ITGAE: variants seen among roughly 807,000 people sequenced by gnomAD.
ITGAE encodes integrin alpha-E.
ITGAE carries 99 observed loss-of-function variants against 136.5 expected under a neutral mutation model. That is an observed-to-expected ratio of 0.73 (90% confidence interval 0.62 to 0.86). The LOEUF (loss-of-function observed/expected upper bound fraction) is 0.86, where lower values mean the gene tolerates loss of function less well. Ranked by LOEUF, ITGAE falls within the 40% of genes least tolerant of loss-of-function variation. The pLI, the probability that ITGAE is intolerant of heterozygous loss-of-function variation, is 0.00. For synonymous variants in ITGAE, 613 were observed against 591.8 expected, an observed-to-expected ratio of 1.04 and a Z score of -0.52; for missense variants, 1,447 against 1,515.3, an observed-to-expected ratio of 0.95 and a Z score of 0.75.
chr17:3,746,125 G>A (rs569610395), intron 17 of ITGAE, among the ~76,000 whole-genome samples, 198 bp from the exon 18 acceptor site: 1 of 152,318 alleles, frequency 6.6e-6, no homozygotes, highest in Middle Eastern at 3.4e-3. Context: ...CAGGGTCTCT[G>A]AGTGCTCCCG....
In ITGAE at chr17:3,720,298, AG is replaced by A; in HGVS notation, c.3333+8del. ...CTTGGGCACTACTCAGAAGCCAGCCAGGAATTACCTTAGTTCTGTGGTTCTC... is the reference window on the plus strand; with the variant it reads ...CTTGGGCACTACTCAGAAGCCAGCCAGAATTACCTTAGTTCTGTGGTTCTC... On this transcript the variant is annotated splice_region_variant and intron_variant, in intron 29 of 30. Transcript: ENST00000263087. The A allele has an allele frequency of 7.0e-7, 1 of 1,435,652 alleles. No homozygotes were observed. Among genetic ancestry groups the A allele is most frequent in the Non-Finnish European group, 9.8e-7 (1 of 1,018,216 alleles). The allele number at this position is 1,435,652 out of a possible 1,614,324, so 88.9% of individuals were successfully genotyped here. A position where few individuals can be genotyped will look rare whatever the true frequency, so the allele number is the denominator to read the frequency against.
chr17:3,762,400 C>T (rs974206733), intron 3 of ITGAE, among the ~76,000 whole-genome samples: 3 of 151,960 alleles, frequency 2.0e-5, no homozygotes, highest in Non-Finnish European at 2.9e-5. Flanking sequence ...CCAAGGAACC[C>T]CCCAGCCTCA....
intron 2 of ITGAE, among the ~76,000 whole-genome samples, chr17:3,764,416 G>C (rs1004867637): frequency 6.6e-6 from 1 of 152,238 alleles, no homozygotes; most frequent in African/African-American, 2.4e-5. Context: ...AGGTTTGGAG[G>C]CCGGGCGCGG....
rs1003841559 is a variant in ITGAE, at chr17:3,798,760, G to A, written c.34+2351C>T. ...ACGCAAGGGTGGAAACTCAACCTCT[G>A]AGACCCAGGATGGAGAAGTGAGTTG... is the stretch of plus-strand genomic sequence containing the variant. On this transcript the variant is annotated intron_variant, in intron 1 of 30. Transcript: ENST00000263087. The surrounding 1 kb of genome is among the most constrained non-coding windows in gnomAD (Gnocchi z 4.3). Among the ~76,000 whole-genome samples, 2 of 152,154 alleles carry A rather than the reference G, an allele frequency of 1.3e-5. No homozygotes were observed. The highest frequency in any genetic ancestry group is 2.9e-5 in the Non-Finnish European group (2 of 68,038).
intron 10 of ITGAE, among the ~76,000 whole-genome samples, chr17:3,756,501 G>A (rs534832521): frequency 2.7e-5 from 4 of 149,724 alleles, no homozygotes; most frequent in South Asian, 2.1e-4. Flanking sequence ...TCCTGGGTTC[G>A]AGTGATTCTT....
intron 1 of ITGAE, among the ~76,000 whole-genome samples, chr17:3,790,749 G>A (rs965391740): frequency 6.6e-6 from 1 of 152,062 alleles, no homozygotes; most frequent in Admixed American, 6.6e-5. Context: ...TAAATCAAAG[G>A]CATGAAAGCA....
At chr17:3,794,335 GA>G (rs2053012324) in intron 1 of ITGAE, among the ~76,000 whole-genome samples, 1 of 151,650 alleles carries the variant, frequency 6.6e-6, no homozygotes, top group Admixed American at 6.6e-5. Flanking sequence ...GTCCAGGCTG[GA>G]CTCAAATTCC....
chr17:3,778,130 G>A (rs2052586895), intron 1 of ITGAE, among the ~76,000 whole-genome samples: 2 of 151,814 alleles, frequency 1.3e-5, no homozygotes, highest in Non-Finnish European at 1.5e-5. Context: ...TTATTCGGAA[G>A]AGCCCCAAAC....
chr17:3,738,364 T>TCAACA (rs1224849442), intron 20 of ITGAE, among the ~76,000 whole-genome samples: 2 of 151,680 alleles, frequency 1.3e-5, no homozygotes, highest in African/African-American at 2.4e-5. Flanking sequence ...AGAGACGGGG[T>TCAACA]TTTACCATGT....
intron 1 of ITGAE, among the ~76,000 whole-genome samples, chr17:3,792,524 T>C (rs1289697156): frequency 6.6e-6 from 1 of 152,008 alleles, no homozygotes; most frequent in Admixed American, 6.6e-5. Flanking sequence ...TCGCTTAAAA[T>C]AATGGGGCAG....
intron 2 of ITGAE, among the ~76,000 whole-genome samples, chr17:3,773,032 A>G (rs1372681349): frequency 6.6e-6 from 1 of 152,048 alleles, no homozygotes; most frequent in Non-Finnish European, 1.5e-5. Flanking sequence ...GTCCCACAAG[A>G]CTGCTCCTAA....
In ITGAE at chr17:3,763,847, C is replaced by G. The variant is rs760892542; in HGVS notation, c.247+22G>C. ...AGAAAGGGGGTCCTGGGGAGCATTC[C>G]CTGGAGTTGGGGCTGACTTACCTAC... On this transcript the variant is annotated intron_variant, in intron 3 of 30. Coordinates refer to ENST00000263087, the MANE Select transcript of ITGAE (RefSeq NM_002208.5). 3.1e-6 allele frequency: 5 copies of G among 1,595,074 alleles called. No individual in the cohort carries two copies. The African/African-American group carries it at 6.7e-5, about 21-fold the overall frequency.
Position 3,728,017 on chromosome 17 carries a change from C to G in ITGAE, c.2986G>C (p.Glu996Gln). ...TGGTATTCTGCTCCAAAGAGGTTCT[C>G]CCCATGTACCTGCAAATTAAAATCA... Reference protein sequence around the residue: ...HKEFLFHVHGENLFGAEYQLQ... With the variant: ...HKEFLFHVHGQNLFGAEYQLQ... Residue 996 changes from glutamate (E) to glutamine (Q), a missense_variant, in exon 26 of 31, where the codon GAG becomes CAG. By Grantham distance (29) the Glu-to-Gln change is conservative (BLOSUM62 2). Coordinates refer to ENST00000263087, the MANE Select transcript of ITGAE (RefSeq NM_002208.5). 1 of 1,613,410 alleles carries G rather than the reference C, an allele frequency of 6.2e-7. No individual in the cohort carries two copies.
intron 1 of ITGAE, among the ~76,000 whole-genome samples, chr17:3,792,168 C>G (rs2052954013): frequency 6.6e-6 from 1 of 152,192 alleles, no homozygotes. Flanking sequence ...GTTGCCCAGG[C>G]TGGAGGGCAG....
chr17:3,759,099 T>C (rs1597340888), intron 8 of ITGAE, among the ~76,000 whole-genome samples: 1 of 138,584 alleles, frequency 7.2e-6, no homozygotes, highest in Non-Finnish European at 1.5e-5. Context: ...CACTCCAGCC[T>C]GGGTGACAGA....
rs1324419520 is a variant in ITGAE at position 3,798,563 on chromosome 17, T to A, written c.34+2548A>T. Among the ~76,000 whole-genome samples the A allele has an allele frequency of 6.6e-6, 1 of 152,078 alleles. No homozygotes were observed. The highest frequency in any genetic ancestry group is 1.5e-5 in the Non-Finnish European group (1 of 68,016). ...AGAGCCCACCTCAGATGCTACAGTCTCCCACTCCCCAAGGACTGAGGTTTT... is the reference window on the plus strand; with the variant it reads ...AGAGCCCACCTCAGATGCTACAGTCACCCACTCCCCAAGGACTGAGGTTTT... On this transcript the variant is annotated intron_variant, in intron 1 of 30. Transcript: ENST00000263087. This position sits in a 1 kb window ranked among gnomAD's most constrained non-coding sequence, Gnocchi z 4.3.
chr17:3,737,922 A>T (rs1466914702), intron 20 of ITGAE, among the ~76,000 whole-genome samples: 5 of 152,226 alleles, frequency 3.3e-5, no homozygotes, highest in Non-Finnish European at 5.9e-5. Flanking sequence ...TACCCCCAGT[A>T]GCTGGCTGGG....
At position 3,751,852 on chromosome 17, in the gene ITGAE, C is replaced by T. The variant is rs868124727; in HGVS notation, c.1691G>A (p.Arg564His). Residue 564 changes from arginine (R) to histidine (H), a missense_variant, in exon 15 of 31, where the codon CGC (arginine) becomes CAC (histidine). Arg to His is a conservative substitution (Grantham distance 29). This residue lies in a region of ITGAE where 1,031 missense variants were observed against 1,011.4 expected (regional missense o/e 1.02). Transcript: ENST00000263087. ...GAACCCGGGGTGCCCACTCAGTATG[C>T]GTGCCAAGGAGAAAGAACCATCCTG... ...SEQDGSFSLA[R>H]ILSGHPGFTN... is the part of the protein sequence containing the mutation. 1.1e-5 allele frequency: 17 copies of T among 1,613,850 alleles called. No individual in the cohort carries two copies. The highest frequency in any genetic ancestry group is 3.3e-5 in the South Asian group (3 of 91,086).
intron 1 of ITGAE, among the ~76,000 whole-genome samples, chr17:3,783,747 C>T (rs890909099): frequency 3.9e-5 from 6 of 152,008 alleles, no homozygotes; most frequent in Non-Finnish European, 7.4e-5. Flanking sequence ...AGTGTATAAA[C>T]GACACTAGCT....
Sources: gnomAD v4.1 joint callset for allele counts (sites outside exome capture counted in the v4.1 genomes callset) on GRCh38, gnomAD v4.1.1 for gene constraint, gnomAD v4.1.1 regional missense constraint, Gnocchi (gnomAD v3.1) non-coding constraint, MANE v1.5 for transcripts, NCBI Gene and HGNC (gene_info 2026-07-23, HGNC 2026-07-21) for gene names.